Variants in PAPOLA observed in about 807,000 individuals in gnomAD.
PAPOLA encodes the protein poly(A) polymerase alpha, also known as polynucleotide adenylyltransferase alpha.
A neutral mutation model predicts 100.6 loss-of-function variants in PAPOLA; 15 were observed. The ratio of observed to expected loss-of-function variants is 0.15; its 90% CI spans 0.10 to 0.23. The LOEUF is 0.23. PAPOLA is among the 10% of genes least tolerant of loss of function. The pLI is 1.00. For synonymous variants in PAPOLA, 293 were observed against 300.0 expected (o/e 0.98, Z 0.24); for missense variants, 533 against 884.2 (o/e 0.60, Z 5.04).
chr14:96,531,262 A>G (rs537597197), intron 6 of PAPOLA, among the ~76,000 whole-genome samples: 1 of 151,788 alleles, frequency 6.6e-6, no homozygotes. Context: ...AGGCCTCCCA[A>G]AGTGCTGGGA....
intron 6 of PAPOLA, among the ~76,000 whole-genome samples, chr14:96,531,102 C>T (rs1898974848): frequency 1.3e-5 from 2 of 152,048 alleles, no homozygotes; most frequent in South Asian, 4.1e-4. Context: ...CCTGGGTTCA[C>T]ACCATTCTCC....
intron 1 of PAPOLA, 89 bp from the exon 2 acceptor site, chr14:96,519,966 G>A: frequency 9.2e-7 from 1 of 1,090,390 alleles, no homozygotes; most frequent in Non-Finnish European, 1.3e-6. Flanking sequence ...TTAGAAATGT[G>A]TGTTACTAAA....
intron 1 of PAPOLA, among the ~76,000 whole-genome samples, chr14:96,518,515 TCTC>T: frequency 6.6e-6 from 1 of 151,728 alleles, no homozygotes; most frequent in East Asian, 2.0e-4. Flanking sequence ...TTCACGCCAT[TCTC>T]CTGCCTCAGC....
rs545561470 is a variant in PAPOLA at position 96,551,378 on chromosome 14, A to G, written c.1522-1102A>G. Among the ~76,000 whole-genome samples, 66 of 152,324 alleles carry G rather than the reference A, an allele frequency of 4.3e-4. 1 individual carries two copies. Among genetic ancestry groups the G allele is most frequent in the South Asian group, 1.0e-3 (5 of 4,826 alleles). On this transcript the variant is annotated intron_variant, in intron 16 of 21. Coordinates refer to ENST00000216277, the MANE Select transcript of PAPOLA (RefSeq NM_032632.5). ...AATAGAAGAGATACTCATTTATAAT[A>G]TTAGGTACTTCTATTTCACGACTGA...
At chr14:96,563,819 T>C (rs532418892) in intron 21 of PAPOLA, among the ~76,000 whole-genome samples, 3 of 150,264 alleles carry the variant, frequency 2.0e-5, no homozygotes, top group Admixed American at 6.7e-5. Context: ...TGCTTAATAT[T>C]GATACGTGGA....
chr14:96,514,673 C>G (rs915935545), intron 1 of PAPOLA, among the ~76,000 whole-genome samples: 3 of 152,148 alleles, frequency 2.0e-5, no homozygotes, highest in Admixed American at 6.5e-5. Context: ...TCTTGACAGC[C>G]CTGCATGGGG....
At chr14:96,558,195 C>A (rs1009730182) in intron 19 of PAPOLA, among the ~76,000 whole-genome samples, 4 of 152,046 alleles carry the variant, frequency 2.6e-5, no homozygotes, top group Non-Finnish European at 5.9e-5. Flanking sequence ...AGGGCTTTCT[C>A]CAAACTGAAT....
At chr14:96,531,789 C>G in intron 7 of PAPOLA, 1 of 1,438,642 alleles carries the variant, frequency 7.0e-7, no homozygotes, top group Non-Finnish European at 9.1e-7. Flanking sequence ...TGTATTTCTT[C>G]TGTCATTAAT....
intron 3 of PAPOLA, among the ~76,000 whole-genome samples, chr14:96,522,844 T>G (rs78160115): frequency 7.4e-4 from 112 of 152,224 alleles, no homozygotes; most frequent in African/African-American, 2.5e-3. Flanking sequence ...ATAACATAAA[T>G]AGTGGTAATT....
At chr14:96,549,748 A>C (rs1900686254) in intron 16 of PAPOLA, among the ~76,000 whole-genome samples, 1 of 152,236 alleles carries the variant, frequency 6.6e-6, no homozygotes, top group South Asian at 2.1e-4. Flanking sequence ...TCAGGAAAAC[A>C]AAACTAAAAT....
chr14:96,560,036 C>T (rs1901709425), intron 19 of PAPOLA, among the ~76,000 whole-genome samples: 1 of 152,106 alleles, frequency 6.6e-6, no homozygotes, highest in African/African-American at 2.4e-5. Flanking sequence ...CTCTTCTAAG[C>T]TATAAGCCTG....
At chr14:96,532,817 T>A in intron 9 of PAPOLA, 168 bp downstream of exon 9, 1 of 1,325,136 alleles carries the variant, frequency 7.5e-7, no homozygotes, top group Non-Finnish European at 9.6e-7. Flanking sequence ...ACTGAAACTA[T>A]TTTTTTTCCC....
At chr14:96,529,026 CTT>C (rs1331452935) in intron 6 of PAPOLA, among the ~76,000 whole-genome samples, 7 of 152,024 alleles carry the variant, frequency 4.6e-5, no homozygotes, top group Admixed American at 1.3e-4. Flanking sequence ...CCTGACCTAA[CTT>C]TGTAAACTTT....
intron 19 of PAPOLA, among the ~76,000 whole-genome samples, chr14:96,558,017 C>T (rs1190832126): frequency 6.6e-6 from 1 of 152,068 alleles, no homozygotes; most frequent in East Asian, 1.9e-4. Flanking sequence ...ATGGATTCCA[C>T]AGATATGGAG....
At chr14:96,564,848 ACTTTT>A (rs1902152124) in intron 21 of PAPOLA, 102 bp from the exon 22 acceptor site, 2 of 657,590 alleles carry the variant, frequency 3.0e-6, no homozygotes, top group South Asian at 2.0e-5. Context: ...AATTTGTAAT[ACTTTT>A]CTTCTTAGAA....
At position 96,565,949 on chromosome 14, in the gene PAPOLA, C is replaced by T; in HGVS notation, c.*899C>T. ...AACAAAATGCCAGTATTTTCTTAAG[C>T]CATGATGTGAAACCAATGACCCTGT... On this transcript the variant is annotated 3_prime_UTR_variant, in exon 22 of 22. Transcript: ENST00000216277. 2.5e-6 allele frequency: 1 copy of T among 398,276 alleles called. No individual in the cohort carries two copies. Among genetic ancestry groups the T allele is most frequent in the Non-Finnish European group, 4.4e-6 (1 of 225,506 alleles). The allele number at this position is 398,276 out of a possible 1,614,324, so 24.7% of individuals were successfully genotyped here. A position where few individuals can be genotyped will look rare whatever the true frequency, so the allele number is the denominator to read the frequency against.
Position 96,537,353 on chromosome 14 carries a change from A to T in PAPOLA, c.1115+293A>T, listed in dbSNP as rs1387852832. 1.2e-5 allele frequency: 3 copies of T among 259,962 alleles called. No individual in the cohort carries two copies. In the East Asian group the frequency reaches 2.1e-4, roughly 18 times the overall value. 16.1% of individuals were successfully genotyped at this position (259,962 alleles called of 1,614,324 possible). On this transcript the variant is annotated intron_variant, in intron 12 of 21. Transcript: ENST00000216277. ...AACAGTACATCTGTATACAGTGGCAAGTGGATGCACCCTGAAAAATCTGTA... is the reference window on the plus strand; with the variant it reads ...AACAGTACATCTGTATACAGTGGCATGTGGATGCACCCTGAAAAATCTGTA...
chr14:96,503,397 C>G (rs1261989320), intron 1 of PAPOLA, among the ~76,000 whole-genome samples: 1 of 151,160 alleles, frequency 6.6e-6, no homozygotes, highest in African/African-American at 2.4e-5. Context: ...TCTCTTTATG[C>G]TTTCTAATGC....
chr14:96,527,710 A>G (rs45478297), intron 5 of PAPOLA, 171 bp downstream of exon 5: 12,981 of 611,382 alleles, frequency 0.021, 220 homozygotes, highest in Non-Finnish European at 0.03. Flanking sequence ...CTAAAATTAT[A>G]AACTCATTTA....
Sources: allele counts gnomAD v4.1 joint callset (sites outside exome capture counted in the v4.1 genomes callset), GRCh38; gene constraint gnomAD v4.1.1; transcripts MANE v1.5; gene names NCBI Gene and HGNC (gene_info 2026-07-23, HGNC 2026-07-21).